The following TRIP6 variants were observed in gnomAD, a reference collection of about 807,000 sequenced individuals.
The protein encoded by TRIP6 is thyroid receptor-interacting protein 6.
A neutral mutation model predicts 51.9 loss-of-function variants in TRIP6; 33 were observed. That is an observed-to-expected ratio of 0.64 (90% CI 0.48 to 0.85). TRIP6 has a LOEUF of 0.85. Among genes scored for constraint, TRIP6 ranks in the 40% least tolerant of loss-of-function variants. The probability of loss-of-function intolerance (pLI) is 0.00; values close to 1 mark genes in which losing one functional copy is unlikely to be tolerated. For synonymous variants in TRIP6, 255 were observed against 275.8 expected (o/e 0.92, Z 0.75); for missense variants, 661 against 652.1 (o/e 1.01, Z -0.15).
At position 100,868,223 on chromosome 7, in the gene TRIP6, C is replaced by G. The variant is rs1443492498; in HGVS notation, c.353C>G (p.Pro118Arg). Residue 118 changes from proline to arginine, a missense_variant, in exon 3 of 9, where the codon CCA becomes CGA. Transcript: ENST00000200457. ...GGTCGGGGTCATGCGTCACGGCGAC[C>G]AGACCGACAGGTGACTCTGCCCCTC... ...NGGRGHASRR[P>R]DRQAYEPPPP... is the part of the protein sequence containing the mutation. The G allele has an allele frequency of 6.2e-7, 1 of 1,608,364 alleles. No individual in the cohort carries two copies. Among genetic ancestry groups the G allele is most frequent in the South Asian group, 1.1e-5 (1 of 90,888 alleles).
At chr7:100,868,270 C>T (rs1815190221) in intron 3 of TRIP6, 37 bp downstream of exon 3, 3 of 1,595,834 alleles carry the variant, frequency 1.9e-6, no homozygotes, top group Non-Finnish European at 1.7e-6. Context: ...CACCCTGCCC[C>T]CTTCTCTGGA....
rs144718084 is a variant in TRIP6 at position 100,871,566 on chromosome 7, G to A, written c.1023G>A (p.Thr341=). ...AGGCCACCCTGGAGAAATGTGCCAC[G>A]TGCTCCCAGCCCATCCTGGACCGGA... is the stretch of plus-strand genomic sequence containing the variant. ...CYVATLEKCA[T]CSQPILDRIL... The change falls in exon 7 of 9, where the codon ACG becomes ACA. Residue 341 remains threonine (T), a synonymous_variant. Coordinates refer to ENST00000200457, the MANE Select transcript of TRIP6 (RefSeq NM_003302.3). The A allele has an allele frequency of 1.7e-5, 28 of 1,613,834 alleles. No homozygotes were observed. In the African/African-American group the frequency reaches 2.9e-4, roughly 17 times the overall value.
chr7:100,873,367 CCT>C lies in TRIP6; in HGVS notation c.*65_*66del. ...TCCCATCCTTTGATTGATCACTCTC[CCT>C]GACATCCACCTGTATGACTTTGTCA... On this transcript the variant is annotated 3_prime_UTR_variant, in exon 9 of 9. Transcript: ENST00000200457. 1.9e-6 allele frequency: 3 copies of C among 1,546,978 alleles called. 1 individual carries two copies. The South Asian group carries it at 3.5e-5, about 18-fold the overall frequency.
chr7:100,872,863 T>C (rs1815302169), intron 8 of TRIP6, 119 bp downstream of exon 8: 2 of 1,452,670 alleles, frequency 1.4e-6, no homozygotes, highest in Non-Finnish European at 1.8e-6. Flanking sequence ...TTTTTTTTTT[T>C]TTTTTGAGAC....
Position 100,872,579 on chromosome 7 carries a change from G to A in TRIP6, c.1179-45G>A, listed in dbSNP as rs1815296369. 1.9e-6 allele frequency: 3 copies of A among 1,609,966 alleles called. No homozygotes were observed. The African/African-American group carries it at 4.0e-5, about 21-fold the overall frequency. On this transcript the variant is annotated intron_variant, in intron 7 of 8. Transcript: ENST00000200457. ...CTCTGGGTTCCATTGTTGGTGCCCT[G>A]CAACCCCAAGGCTTGATGGCCTTCT...
At chr7:100,872,785 A>C (rs1815300390) in intron 8 of TRIP6, 41 bp downstream of exon 8, 2 of 1,607,218 alleles carry the variant, frequency 1.2e-6, no homozygotes, top group South Asian at 1.1e-5. Context: ...GGCAGTGTCT[A>C]GGGTGCTGGG....
At chr7:100,871,224 AG>A (rs1815262064) in intron 6 of TRIP6, 4 of 467,716 alleles carry the variant, frequency 8.6e-6, no homozygotes, top group African/African-American at 2.0e-5. Flanking sequence ...TAGTAGAGAC[AG>A]GGTTTCGCCA....
chr7:100,871,207 G>C (rs536697829), intron 6 of TRIP6: 7 of 446,926 alleles, frequency 1.6e-5, no homozygotes, highest in African/African-American at 1.2e-4. Context: ...GCTAATTTTT[G>C]TATTTTTAGT....
At chr7:100,868,412 C>T in intron 3 of TRIP6, 83 bp from the exon 4 acceptor site, 3 of 1,600,310 alleles carry the variant, frequency 1.9e-6, no homozygotes, top group Non-Finnish European at 2.6e-6. Flanking sequence ...GCCTGTGCTT[C>T]CCCACAGCCA....
In TRIP6 at chr7:100,868,003, C is replaced by T. The variant is rs375331688; in HGVS notation, c.237+15C>T. On this transcript the variant is annotated intron_variant, in intron 2 of 8. Coordinates refer to ENST00000200457, the MANE Select transcript of TRIP6 (RefSeq NM_003302.3). ...AGCACACGCAGGTGAGACCCGGGAT[C>T]GTGGGGTGGGACATGTGGGATCCCC... The T allele has an allele frequency of 1.2e-4, 180 of 1,514,574 alleles. No individual in the cohort carries two copies. The highest frequency in any genetic ancestry group is 5.2e-4 in the South Asian group (39 of 75,422). The allele number at this position is 1,514,574 out of a possible 1,614,324, so 93.8% of individuals were successfully genotyped here. A position where few individuals can be genotyped will look rare whatever the true frequency, so the allele number is the denominator to read the frequency against.
rs767205250 is a variant in TRIP6 at position 100,868,716 on chromosome 7, C to T, written c.585C>T (p.Leu195=). 6 of 1,570,800 alleles carry T rather than the reference C, an allele frequency of 3.8e-6. No homozygotes were observed. The African/African-American group carries it at 4.1e-5, about 11-fold the overall frequency. The change falls in exon 4 of 9, where the codon CTC becomes CTT. Residue 195 remains leucine (L), a synonymous_variant. Transcript: ENST00000200457. ...RRGASQASGP[L]PGPHFPLPGR... ...GAGCCTCTCAGGCCTCTGGGCCCCT[C>T]CCGGGCCCCCACTTTCCTCTCCCAG...
rs999361136 is a variant in TRIP6 at position 100,872,668 on chromosome 7, C to G, written c.1223C>G (p.Pro408Arg). The part of the protein sequence containing the change: ...RCSVCGGAIM[P>R]EPGQEETVRI... ...TCAGTGTGCGGTGGGGCCATAATGC[C>G]TGAGCCAGGTCAGGAGGAGACTGTG... Residue 408 changes from proline to arginine, a missense_variant, in exon 8 of 9, where the codon CCT becomes CGT. Coordinates refer to ENST00000200457, the MANE Select transcript of TRIP6 (RefSeq NM_003302.3). 6.2e-7 allele frequency: 1 copy of G among 1,613,952 alleles called. No individual in the cohort carries two copies. Among genetic ancestry groups the G allele is most frequent in the African/African-American group, 1.3e-5 (1 of 74,906 alleles).
intron 6 of TRIP6, chr7:100,871,308 T>A: frequency 1.7e-6 from 1 of 586,236 alleles, no homozygotes; most frequent in Non-Finnish European, 3.0e-6. Context: ...GTGCTGGCAT[T>A]ACAGGCGTGA....
chr7:100,873,230 G>A lies in TRIP6; in HGVS notation c.1358G>A (p.Gly453Glu). The A allele has an allele frequency of 6.2e-7, 1 of 1,613,758 alleles. No individual in the cohort carries two copies. Among genetic ancestry groups the A allele is most frequent in the Non-Finnish European group, 8.5e-7 (1 of 1,179,822 alleles). Residue 453 changes from glycine to glutamate, a missense_variant, in exon 9 of 9, where the codon GGG (glycine) becomes GAG (glutamate). Coordinates refer to ENST00000200457, the MANE Select transcript of TRIP6 (RefSeq NM_003302.3). ...GECQGCYPLD[G>E]HILCKACSAW... is the part of the protein sequence containing the mutation. ...TGTCAGGGCTGCTACCCGCTGGATG[G>A]GCACATCTTGTGCAAGGCCTGCAGC...
rs1490613416 is a variant in TRIP6, at chr7:100,868,498, T to C, written c.367T>C (p.Tyr123His). The C allele has an allele frequency of 1.9e-6, 3 of 1,612,912 alleles. No individual in the cohort carries two copies. The highest frequency in any genetic ancestry group is 2.7e-5 in the African/African-American group (2 of 74,926). The stretch of plus-strand genomic sequence containing the variant: ...TCTGGCCTGCGTTTCTCCTCAGGCA[T>C]ATGAGCCCCCGCCACCTCCTGCCTA... ...HASRRPDRQAYEPPPPPAYRT... is the reference protein window; with the variant it reads ...HASRRPDRQAHEPPPPPAYRT... Residue 123 changes from tyrosine (Y) to histidine (H), a missense_variant, in exon 4 of 9, where the codon TAT (tyrosine) becomes CAT (histidine). Transcript: ENST00000200457.
chr7:100,870,446 C>T lies in TRIP6; in HGVS notation c.812C>T (p.Pro271Leu), dbSNP rs1563002875. Reference protein sequence around the residue: ...KKLVHDMNHPPSGEYFGQCGG... With the variant: ...KKLVHDMNHPLSGEYFGQCGG... The stretch of plus-strand genomic sequence containing the variant: ...CTGGTTCACGACATGAACCACCCGC[C>T]CAGCGGGGAGTACTTTGGTGAGCTG... Residue 271 changes from proline (P) to leucine (L), a missense_variant, in exon 5 of 9, where the codon CCC becomes CTC. Physicochemically the swap from Pro to Leu is moderately conservative, Grantham distance 98. Transcript: ENST00000200457. The T allele has an allele frequency of 6.2e-7, 1 of 1,613,544 alleles. No homozygotes were observed. The highest frequency in any genetic ancestry group is 8.5e-7 in the Non-Finnish European group (1 of 1,179,886).
In TRIP6 at chr7:100,867,783, C is replaced by A; in HGVS notation, c.110-78C>A. ...ATTTGGGGGAGGAGGTAACGAGAGG[C>A]GGAGAGGGTGGCTCCTCAAATATAC... On this transcript the variant is annotated intron_variant, in intron 1 of 8. Coordinates refer to ENST00000200457, the MANE Select transcript of TRIP6 (RefSeq NM_003302.3). This position sits in a 1 kb window ranked among gnomAD's most constrained non-coding sequence, Gnocchi z 5.4. 1 of 1,514,714 alleles carries A rather than the reference C, an allele frequency of 6.6e-7. No individual in the cohort carries two copies. Among genetic ancestry groups the A allele is most frequent in the South Asian group, 1.3e-5 (1 of 74,872 alleles). 93.8% of individuals were successfully genotyped at this position (1,514,714 alleles called of 1,614,324 possible). A position where few individuals can be genotyped will look rare whatever the true frequency, so the allele number is the denominator to read the frequency against.
intron 7 of TRIP6, 124 bp from the exon 8 acceptor site, chr7:100,872,500 C>A: frequency 7.0e-7 from 1 of 1,435,094 alleles, no homozygotes; most frequent in Non-Finnish European, 9.4e-7. Flanking sequence ...GTCCCTTCCC[C>A]AAGACCTAAG....
At position 100,870,350 on chromosome 7, in the gene TRIP6, G is replaced by GCC. The variant is rs201853704; in HGVS notation, c.736-18_736-17dup. ...GCATCAGGAGCTAGAGTAGGACCGAGCCCGATTCCCACCTTCCAGGTGCCC... is the reference window on the plus strand; with the variant it reads ...GCATCAGGAGCTAGAGTAGGACCGAGCCCCCGATTCCCACCTTCCAGGTGCCC... On this transcript the variant is annotated intron_variant, in intron 4 of 8. Coordinates refer to ENST00000200457, the MANE Select transcript of TRIP6 (RefSeq NM_003302.3). 2 of 1,303,726 alleles carry GCC rather than the reference G, an allele frequency of 1.5e-6. No homozygotes were observed. Among genetic ancestry groups the GCC allele is most frequent in the Non-Finnish European group, 1.0e-6 (1 of 969,438 alleles). 80.8% of individuals were successfully genotyped at this position (1,303,726 alleles called of 1,614,324 possible). A position where few individuals can be genotyped will look rare whatever the true frequency, so the allele number is the denominator to read the frequency against.
Sources: gnomAD v4.1 joint callset for allele counts on GRCh38, gnomAD v4.1.1 for gene constraint, Gnocchi (gnomAD v3.1) non-coding constraint, MANE v1.5 for transcripts, NCBI Gene and HGNC (gene_info 2026-07-23, HGNC 2026-07-21) for gene names.